Variants in CLCN5 observed in about 807,000 individuals in gnomAD.
CLCN5 encodes the protein Cl-/H+ antiporter 5.
Under a neutral mutation model 54.0 loss-of-function variants are expected in CLCN5, and 17 were observed. That is an observed-to-expected ratio of 0.31 (90% CI 0.22 to 0.47). The LOEUF (loss-of-function observed/expected upper bound fraction) is 0.47. CLCN5 is among the 20% of genes least tolerant of loss of function. CLCN5 has a pLI of 1.00. For missense variants in CLCN5, 448 were observed against 646.7 expected (o/e 0.69, Z 3.33); for synonymous variants, 222 against 233.0 (o/e 0.95, Z 0.43).
intron 4 of CLCN5, among the ~76,000 whole-genome samples, chrX:50,050,954 G>A (rs1337620797): frequency 9.0e-6 from 1 of 111,123 alleles, no homozygotes; most frequent in African/African-American, 3.3e-5. Context: ...GAGCCACTGC[G>A]CCTGGCCGTG....
Position 49,922,628 on chromosome X carries a change from C to T in CLCN5, c.-369C>T, listed in dbSNP as rs1364854810. The T allele has an allele frequency of 8.9e-6, 1 of 112,936 alleles. No individual in the cohort carries two copies. Among genetic ancestry groups the T allele is most frequent in the African/African-American group, 3.2e-5 (1 of 31,114 alleles). 9.3% of individuals were successfully genotyped at this position (112,936 alleles called of 1,213,427 possible). A position where few individuals can be genotyped will look rare whatever the true frequency, so the allele number is the denominator to read the frequency against. ...GCGAGGCGCCCTGTCACATGAGCCG[C>T]GCGCCCGCTTCGCTCCCCCTCCTCC... On this transcript the variant is annotated 5_prime_UTR_variant, in exon 1 of 15. Transcript: ENST00000376091.
chrX:50,060,620 A>G (rs1377732756), intron 4 of CLCN5, among the ~76,000 whole-genome samples: 5 of 111,238 alleles, frequency 4.5e-5, no homozygotes, highest in Non-Finnish European at 9.5e-5. Flanking sequence ...AGGTAAACAA[A>G]GCAGCGGGGA....
intron 4 of CLCN5, among the ~76,000 whole-genome samples, chrX:50,066,325 T>A (rs1933021206): frequency 9.0e-6 from 1 of 111,307 alleles, no homozygotes; most frequent in Admixed American, 9.6e-5. Flanking sequence ...TCCTTAATGC[T>A]AGATTAGTTC....
chrX:50,018,268 T>C (rs1353575098), intron 3 of CLCN5, among the ~76,000 whole-genome samples: 1 of 112,264 alleles, frequency 8.9e-6, no homozygotes, highest in Non-Finnish European at 1.9e-5. Flanking sequence ...AATTCCAGTT[T>C]GTCATTGCTA....
intron 4 of CLCN5, chrX:50,050,367 T>A (rs1557188192): frequency 8.9e-6 from 1 of 112,054 alleles, no homozygotes; most frequent in African/African-American, 3.2e-5. Context: ...CCTGTTAGTT[T>A]GCATCCTTGG....
intron 4 of CLCN5, among the ~76,000 whole-genome samples, chrX:50,042,789 C>G (rs781943985): frequency 1.8e-5 from 2 of 111,932 alleles, no homozygotes; most frequent in Non-Finnish European, 3.8e-5. Flanking sequence ...ACTGCTTTCA[C>G]TCAGATTAAT....
rs150785487 is a variant in CLCN5, at chrX:50,072,195, G to T, written c.316-294G>T. 9.2e-3 allele frequency among the ~76,000 whole-genome samples: 1,027 copies of T among 111,892 alleles called. 5 individuals are homozygous for T. Among genetic ancestry groups the T allele is most frequent in the Non-Finnish European group, 0.015 (799 of 53,129 alleles). ...TGCCCTTGGAATATCTGATGTCCAG[G>T]ATAGAAAGATACCACTGCAATAAGC... On this transcript the variant is annotated intron_variant, in intron 5 of 14. Transcript: ENST00000376091.
At chrX:49,947,710 CTTCCT>C (rs1926829031) in intron 3 of CLCN5, among the ~76,000 whole-genome samples, 1 of 111,490 alleles carries the variant, frequency 9.0e-6, no homozygotes, top group African/African-American at 3.3e-5. Flanking sequence ...TTCTTCTTCT[CTTCCT>C]TTCCACTGGA....
chrX:49,948,892 T>G (rs1351601826), intron 3 of CLCN5, among the ~76,000 whole-genome samples: 1 of 112,448 alleles, frequency 8.9e-6, no homozygotes, highest in Non-Finnish European at 1.9e-5. Context: ...TGTGAAAACA[T>G]TGTTTTGGCT....
intron 9 of CLCN5, among the ~76,000 whole-genome samples, chrX:50,082,858 A>G (rs1311895392): frequency 9.0e-6 from 1 of 111,342 alleles, no homozygotes; most frequent in Non-Finnish European, 1.9e-5. Flanking sequence ...ATCTAACACT[A>G]TACTTGAATT....
At chrX:50,013,053 A>G (rs1288900499) in intron 3 of CLCN5, among the ~76,000 whole-genome samples, 1 of 111,456 alleles carries the variant, frequency 9.0e-6, no homozygotes, top group Non-Finnish European at 1.9e-5. Context: ...GGCTAAGTGA[A>G]CACACAACAA....
intron 3 of CLCN5, among the ~76,000 whole-genome samples, chrX:50,028,234 T>A (rs1263961306): frequency 1.8e-5 from 2 of 111,918 alleles, no homozygotes; most frequent in Non-Finnish European, 3.8e-5. Context: ...TAGGCCCTGG[T>A]AAAATAGTTT....
chrX:50,060,305 G>A (rs974475477), intron 4 of CLCN5, among the ~76,000 whole-genome samples: 4 of 110,599 alleles, frequency 3.6e-5, no homozygotes, highest in South Asian at 3.9e-4. Context: ...TGCGCGCACC[G>A]TGCGCGAGCT....
chrX:50,003,603 T>C (rs781839497), intron 3 of CLCN5: 13 of 347,013 alleles, frequency 3.7e-5, no homozygotes, highest in East Asian at 2.7e-4. Context: ...CTTTCCTTGC[T>C]CTCTTGTGCA....
chrX:49,924,357 C>G (rs782319602), intron 2 of CLCN5, among the ~76,000 whole-genome samples: 1 of 111,275 alleles, frequency 9.0e-6, no homozygotes, highest in Non-Finnish European at 1.9e-5. Flanking sequence ...TTAGTAGAGA[C>G]GGGGTTTCAC....
At chrX:49,999,192 G>A (rs1008847968) in intron 3 of CLCN5, among the ~76,000 whole-genome samples, 3 of 110,743 alleles carry the variant, frequency 2.7e-5, no homozygotes, top group Admixed American at 1.9e-4. Context: ...TTAGACCTAC[G>A]TCTGTGTACA....
rs1933378755 is a variant in CLCN5, at chrX:50,075,798, C to T, written c.419C>T (p.Ser140Leu). 1 of 1,209,899 alleles carries T rather than the reference C, an allele frequency of 8.3e-7. No homozygotes were observed. The highest frequency in any genetic ancestry group is 1.1e-6 in the Non-Finnish European group (1 of 893,832). ...TCCCTCCCTCCCCACAAATCAGGTT[C>T]GTTAGCTGGTTTGATAGACATCTCT... ...LMLLIGLLSG[S>L]LAGLIDISAH... Residue 140 changes from serine (S) to leucine (L), a missense_variant, in exon 7 of 15, where the codon TCG (serine) becomes TTG (leucine). By Grantham distance (145) the Ser-to-Leu change is moderately radical. This residue lies in a region of CLCN5 where 41 missense variants were observed against 71.3 expected (regional missense o/e 0.58). Transcript: ENST00000376091.
Position 49,955,879 on chromosome X carries a change from A to G in CLCN5, c.16+30565A>G, listed in dbSNP as rs1557173846. On this transcript the variant is annotated intron_variant, in intron 3 of 14. Transcript: ENST00000376091. ...ATGGGGGCAGGGGTTGGAATAGTAAAGAGTACACAGATACTTTTGTGATTT... is the reference window on the plus strand; with the variant it reads ...ATGGGGGCAGGGGTTGGAATAGTAAGGAGTACACAGATACTTTTGTGATTT... 4.5e-5 allele frequency among the ~76,000 whole-genome samples: 5 copies of G among 111,943 alleles called. No homozygotes were observed. The South Asian group carries it at 1.9e-3, about 42-fold the overall frequency.
chrX:50,033,844 T>C (rs1931857342), intron 3 of CLCN5, among the ~76,000 whole-genome samples: 2 of 111,861 alleles, frequency 1.8e-5, no homozygotes, highest in Non-Finnish European at 3.8e-5. Flanking sequence ...CTCAGTAATT[T>C]TGATGACTAA....
Sources: allele counts gnomAD v4.1 joint callset (sites outside exome capture counted in the v4.1 genomes callset), GRCh38; gene constraint gnomAD v4.1.1; regional missense constraint gnomAD v4.1.1; transcripts MANE v1.5; gene names NCBI Gene and HGNC (gene_info 2026-07-23, HGNC 2026-07-21).